Variants in BRD3OS observed in about 807,000 individuals in gnomAD.
BRD3OS encodes BRD3 opposite strand, also known as uncharacterized protein BRD3OS.
rs2132361550 is a variant in BRD3OS, at chr9:134,029,643, T to C, written c.*2641T>C. The C allele has an allele frequency of 1.3e-5, 2 of 152,430 alleles. No homozygotes were observed. The highest frequency in any genetic ancestry group is 3.4e-3 in the Middle Eastern group (1 of 294). 9.4% of individuals were successfully genotyped at this position (152,430 alleles called of 1,614,324 possible). ...GCTGTCATTCTTCGGCGAGCCGCGC[T>C]GCACGCCAGCCTCCAGTCTGGCAGT... On this transcript the variant is annotated 3_prime_UTR_variant, in exon 3 of 3. Coordinates refer to ENST00000603928, the MANE Select transcript of BRD3OS (RefSeq NM_001355256.2).
chr9:134,028,056 TC>T lies in BRD3OS; in HGVS notation c.*1055del, dbSNP rs1843454161. 6.6e-6 allele frequency: 1 copy of T among 152,254 alleles called. No individual in the cohort carries two copies. The highest frequency in any genetic ancestry group is 1.5e-5 in the Non-Finnish European group (1 of 68,048). 9.4% of individuals were successfully genotyped at this position (152,254 alleles called of 1,614,324 possible). ...TACACAAATGTGCAGGTGTCTCTTG[TC>T]AAAGCTAATTTTTCTTTTCTAAATA... On this transcript the variant is annotated 3_prime_UTR_variant, in exon 3 of 3. Coordinates refer to ENST00000603928, the MANE Select transcript of BRD3OS (RefSeq NM_001355256.2).
rs1457386655 is a variant in BRD3OS, at chr9:134,025,979, G to A, written c.-652G>A. The A allele has an allele frequency of 6.6e-6, 1 of 152,158 alleles. No individual in the cohort carries two copies. The highest frequency in any genetic ancestry group is 1.5e-5 in the Non-Finnish European group (1 of 68,052). The allele number at this position is 152,158 out of a possible 1,614,324, so 9.4% of individuals were successfully genotyped here. A position where few individuals can be genotyped will look rare whatever the true frequency, so the allele number is the denominator to read the frequency against. ...GCCGCTGGCTCCTGTTTCACAGATG[G>A]AGACCCTGAAGCCCCAACAAGCAGC... is the stretch of plus-strand genomic sequence containing the variant. On this transcript the variant is annotated 5_prime_UTR_variant, in exon 2 of 3. The change creates a premature stop within an existing upstream ORF in the 5' untranslated region. Coordinates refer to ENST00000603928, the MANE Select transcript of BRD3OS (RefSeq NM_001355256.2).
rs1047914718 is a variant in BRD3OS at position 134,029,211 on chromosome 9, C to G, written c.*2209C>G. ...CAAATCTGGAATGCCTGTGTGCCAC[C>G]TTCTCACCGCACCACAGACTCCCCT... is the stretch of plus-strand genomic sequence containing the variant. On this transcript the variant is annotated 3_prime_UTR_variant, in exon 3 of 3. Transcript: ENST00000603928. 3 of 152,304 alleles carry G rather than the reference C, an allele frequency of 2.0e-5. No individual in the cohort carries two copies. Among genetic ancestry groups the G allele is most frequent in the Admixed American group, 6.5e-5 (1 of 15,290 alleles). 9.4% of individuals were successfully genotyped at this position (152,304 alleles called of 1,614,324 possible).
rs909302595 is a variant in BRD3OS at position 134,026,983 on chromosome 9, A to G, written c.236A>G (p.Lys79Arg). ...GTCTCTAGGGACACAGGGCAGTCCA[A>G]GTTTTGCACAATTATGTAATTCCGA... ...LEVSRDTGQS[K>R]FCTIM The change falls in exon 3 of 3, where the codon AAG (lysine) becomes AGG (arginine). Residue 79 changes from lysine to arginine, a missense_variant. Lys to Arg is a conservative substitution (Grantham distance 26). Coordinates refer to ENST00000603928, the MANE Select transcript of BRD3OS (RefSeq NM_001355256.2). This position sits in a 1 kb window ranked among gnomAD's most constrained non-coding sequence, Gnocchi z 4.4. 2.5e-6 allele frequency: 1 copy of G among 398,794 alleles called. No individual in the cohort carries two copies. The highest frequency in any genetic ancestry group is 3.6e-5 in the East Asian group (1 of 28,098). 24.7% of individuals were successfully genotyped at this position (398,794 alleles called of 1,614,324 possible). A position where few individuals can be genotyped will look rare whatever the true frequency, so the allele number is the denominator to read the frequency against.
In BRD3OS at chr9:134,026,778, G is replaced by C. The variant is rs767864352; in HGVS notation, c.31G>C (p.Ala11Pro). The C allele has an allele frequency of 2.0e-5, 8 of 398,732 alleles. No homozygotes were observed. Among genetic ancestry groups the C allele is most frequent in the Non-Finnish European group, 3.5e-5 (8 of 226,112 alleles). The allele number at this position is 398,732 out of a possible 1,614,324, so 24.7% of individuals were successfully genotyped here. A position where few individuals can be genotyped will look rare whatever the true frequency, so the allele number is the denominator to read the frequency against. ...TGGCCGTGTCCCCCTGGCAGAGAAG[G>C]CCTTGTCTGAAGGCTACGCCCGCCT... The part of the protein sequence containing the change: MSGRVPLAEK[A>P]LSEGYARLRY... The change falls in exon 3 of 3, where the codon GCC becomes CCC. Residue 11 changes from alanine to proline, a missense_variant. Transcript: ENST00000603928. The surrounding 1 kb of genome is among the most constrained non-coding windows in gnomAD (Gnocchi z 4.4).
Position 134,026,592 on chromosome 9 carries a change from C to T in BRD3OS, c.-156C>T, listed in dbSNP as rs984452119. 13 of 392,492 alleles carry T rather than the reference C, an allele frequency of 3.3e-5. No homozygotes were observed. The highest frequency in any genetic ancestry group is 1.8e-4 in the Admixed American group (4 of 22,530). The allele number at this position is 392,492 out of a possible 1,614,324, so 24.3% of individuals were successfully genotyped here. Reference sequence around the variant, plus strand: ...CCTCACCACACAACCCTCCTGAGGACGTTGCCTGCAAATGGGCGGAATTCC... The same window carrying T: ...CCTCACCACACAACCCTCCTGAGGATGTTGCCTGCAAATGGGCGGAATTCC... On this transcript the variant is annotated 5_prime_UTR_variant, in exon 3 of 3. In the 5' UTR this introduces an upstream ATG that the reference lacks. Coordinates refer to ENST00000603928, the MANE Select transcript of BRD3OS (RefSeq NM_001355256.2). The surrounding 1 kb of genome is among the most constrained non-coding windows in gnomAD (Gnocchi z 4.4).
At position 134,025,920 on chromosome 9, in the gene BRD3OS, G is replaced by C. The variant is rs961377545; in HGVS notation, c.-711G>C. 4 of 152,260 alleles carry C rather than the reference G, an allele frequency of 2.6e-5. No homozygotes were observed. Among genetic ancestry groups the C allele is most frequent in the African/African-American group, 7.2e-5 (3 of 41,460 alleles). The allele number at this position is 152,260 out of a possible 1,614,324, so 9.4% of individuals were successfully genotyped here. A position where few individuals can be genotyped will look rare whatever the true frequency, so the allele number is the denominator to read the frequency against. ...CCTTCCGGTCCCGGGGCTGACGCCTGGCGGCGTCTCCGGGAACCCGCGCCC... is the reference window on the plus strand; with the variant it reads ...CCTTCCGGTCCCGGGGCTGACGCCTCGCGGCGTCTCCGGGAACCCGCGCCC... On this transcript the variant is annotated 5_prime_UTR_variant, in exon 2 of 3. Coordinates refer to ENST00000603928, the MANE Select transcript of BRD3OS (RefSeq NM_001355256.2).
rs539021164 is a variant in BRD3OS at position 134,030,961 on chromosome 9, C to T, written c.*3959C>T. The T allele has an allele frequency of 4.3e-6, 1 of 231,374 alleles. No individual in the cohort carries two copies. The highest frequency in any genetic ancestry group is 6.1e-5 in the East Asian group (1 of 16,390). The allele number at this position is 231,374 out of a possible 1,614,324, so 14.3% of individuals were successfully genotyped here. A position where few individuals can be genotyped will look rare whatever the true frequency, so the allele number is the denominator to read the frequency against. On this transcript the variant is annotated 3_prime_UTR_variant, in exon 3 of 3. Coordinates refer to ENST00000603928, the MANE Select transcript of BRD3OS (RefSeq NM_001355256.2). ...GCAGTGGGACAATCTAATTGAATCA[C>T]CGCAGCCTTCTAATACAGAAGAAAC...
rs1161982142 is a variant in BRD3OS at position 134,025,535 on chromosome 9, C to G, written c.-788C>G. On this transcript the variant is annotated splice_region_variant and 5_prime_UTR_variant, in exon 1 of 3. Coordinates refer to ENST00000603928, the MANE Select transcript of BRD3OS (RefSeq NM_001355256.2). ...CCGCATCTCCGAGGCCCGCGACGAG[C>G]GGTGACTGGGGCGGGCGACGTGGGG... The G allele has an allele frequency of 6.6e-6, 1 of 151,842 alleles. No individual in the cohort carries two copies. Among genetic ancestry groups the G allele is most frequent in the Non-Finnish European group, 1.5e-5 (1 of 68,002 alleles). 9.4% of individuals were successfully genotyped at this position (151,842 alleles called of 1,614,324 possible).
chr9:134,025,577 C>T (rs1165295163), intron 1 of BRD3OS, 41 bp downstream of exon 1: 2 of 152,056 alleles, frequency 1.3e-5, no homozygotes, highest in East Asian at 3.9e-4. Flanking sequence ...GGGATGCGGG[C>T]AGACGATAGG....
rs1363297693 is a variant in BRD3OS at position 134,026,688 on chromosome 9, T to TGCGCGTGG, written c.-57_-50dup. On this transcript the variant is annotated 5_prime_UTR_variant, in exon 3 of 3. Coordinates refer to ENST00000603928, the MANE Select transcript of BRD3OS (RefSeq NM_001355256.2). This position sits in a 1 kb window ranked among gnomAD's most constrained non-coding sequence, Gnocchi z 4.4. Reference sequence around the variant, plus strand: ...CTGGGAAAGCTGTCCGTTAATTTAGTGCGCGTGGGCCGTCTCAGAACAGCA... The same window carrying TGCGCGTGG: ...CTGGGAAAGCTGTCCGTTAATTTAGTGCGCGTGGGCGCGTGGGCCGTCTCAGAACAGCA... 3.8e-5 allele frequency: 15 copies of TGCGCGTGG among 398,040 alleles called. No homozygotes were observed. The highest frequency in any genetic ancestry group is 2.3e-4 in the African/African-American group (11 of 48,604). 24.7% of individuals were successfully genotyped at this position (398,040 alleles called of 1,614,324 possible). A position where few individuals can be genotyped will look rare whatever the true frequency, so the allele number is the denominator to read the frequency against.
Position 134,029,339 on chromosome 9 carries a change from AG to A in BRD3OS, c.*2340del, listed in dbSNP as rs1422557278. 1.3e-5 allele frequency: 2 copies of A among 152,318 alleles called. No homozygotes were observed. The highest frequency in any genetic ancestry group is 4.8e-5 in the African/African-American group (2 of 41,458). 9.4% of individuals were successfully genotyped at this position (152,318 alleles called of 1,614,324 possible). Reference sequence around the variant, plus strand: ...GCAACGCTGGCAGGATGTGTGCTCAAGGGCCAGTCTCTGCAGGGGTCAGGGC... The same window carrying A: ...GCAACGCTGGCAGGATGTGTGCTCAAGGCCAGTCTCTGCAGGGGTCAGGGC... On this transcript the variant is annotated 3_prime_UTR_variant, in exon 3 of 3. Coordinates refer to ENST00000603928, the MANE Select transcript of BRD3OS (RefSeq NM_001355256.2).
rs1212772422 is a variant in BRD3OS, at chr9:134,027,731, C to G, written c.*729C>G. The G allele has an allele frequency of 6.6e-6, 1 of 152,136 alleles. No individual in the cohort carries two copies. The highest frequency in any genetic ancestry group is 1.5e-5 in the Non-Finnish European group (1 of 68,048). 9.4% of individuals were successfully genotyped at this position (152,136 alleles called of 1,614,324 possible). On this transcript the variant is annotated 3_prime_UTR_variant, in exon 3 of 3. Coordinates refer to ENST00000603928, the MANE Select transcript of BRD3OS (RefSeq NM_001355256.2). ...AGCCCGCATTTATATTTTGAGTTACCAAAATGATCATCATCTGTGAAGCAT... is the reference window on the plus strand; with the variant it reads ...AGCCCGCATTTATATTTTGAGTTACGAAAATGATCATCATCTGTGAAGCAT...
rs529305455 is a variant in BRD3OS at position 134,028,933 on chromosome 9, C to T, written c.*1931C>T. The T allele has an allele frequency of 7.2e-5, 11 of 152,382 alleles. No homozygotes were observed. Among genetic ancestry groups the T allele is most frequent in the Admixed American group, 3.3e-4 (5 of 15,306 alleles). 9.4% of individuals were successfully genotyped at this position (152,382 alleles called of 1,614,324 possible). On this transcript the variant is annotated 3_prime_UTR_variant, in exon 3 of 3. Transcript: ENST00000603928. ...GTCGGCAGCAGCCTCCTGCACAGCC[C>T]GAGTCCCTTCTGCGAGAGTCCTGGC...
In BRD3OS at chr9:134,030,922, C is replaced by T; in HGVS notation, c.*3920C>T. ...CTTGAAAAAAGCATGTTAGAAGCTG[C>T]CCTACAGGTCTCAGCAGTGGGACAA... On this transcript the variant is annotated 3_prime_UTR_variant, in exon 3 of 3. Coordinates refer to ENST00000603928, the MANE Select transcript of BRD3OS (RefSeq NM_001355256.2). The T allele has an allele frequency of 4.3e-6, 1 of 231,204 alleles. No homozygotes were observed. 14.3% of individuals were successfully genotyped at this position (231,204 alleles called of 1,614,324 possible).
rs990251700 is a variant in BRD3OS at position 134,030,897 on chromosome 9, C to T, written c.*3895C>T. 1 of 231,920 alleles carries T rather than the reference C, an allele frequency of 4.3e-6. No individual in the cohort carries two copies. Among genetic ancestry groups the T allele is most frequent in the African/African-American group, 2.2e-5 (1 of 45,256 alleles). The allele number at this position is 231,920 out of a possible 1,614,324, so 14.4% of individuals were successfully genotyped here. On this transcript the variant is annotated 3_prime_UTR_variant, in exon 3 of 3. Coordinates refer to ENST00000603928, the MANE Select transcript of BRD3OS (RefSeq NM_001355256.2). ...CACGACTTGTCACTACTCCTCTCCC[C>T]TTGAAAAAAGCATGTTAGAAGCTGC...
In BRD3OS at chr9:134,031,193, C is replaced by G. The variant is rs1163877202; in HGVS notation, c.*4191C>G. 4.5e-6 allele frequency: 1 copy of G among 222,500 alleles called. No individual in the cohort carries two copies. The highest frequency in any genetic ancestry group is 9.0e-6 in the Non-Finnish European group (1 of 111,370). 13.8% of individuals were successfully genotyped at this position (222,500 alleles called of 1,614,324 possible). ...GAAAGGAGCAGAGGCGAGCCGACGC[C>G]ACCGTCACAGAGAACCAGCCGAGAA... On this transcript the variant is annotated 3_prime_UTR_variant, in exon 3 of 3. Transcript: ENST00000603928.
chr9:134,026,776 A>C lies in BRD3OS; in HGVS notation c.29A>C (p.Lys10Thr), dbSNP rs1843434416. MSGRVPLAE[K>T]ALSEGYARLR... ...AGTGGCCGTGTCCCCCTGGCAGAGA[A>C]GGCCTTGTCTGAAGGCTACGCCCGC... Residue 10 changes from lysine (K) to threonine (T), a missense_variant, in exon 3 of 3, where the codon AAG (lysine) becomes ACG (threonine). Lys to Thr is a moderately conservative substitution (Grantham distance 78). Coordinates refer to ENST00000603928, the MANE Select transcript of BRD3OS (RefSeq NM_001355256.2). This position sits in a 1 kb window ranked among gnomAD's most constrained non-coding sequence, Gnocchi z 4.4. 1 of 398,876 alleles carries C rather than the reference A, an allele frequency of 2.5e-6. No individual in the cohort carries two copies. Among genetic ancestry groups the C allele is most frequent in the Non-Finnish European group, 4.4e-6 (1 of 226,102 alleles). 24.7% of individuals were successfully genotyped at this position (398,876 alleles called of 1,614,324 possible).
In BRD3OS at chr9:134,031,445, C is replaced by A; in HGVS notation, c.*4443C>A. 4.9e-6 allele frequency: 1 copy of A among 205,358 alleles called. No homozygotes were observed. The highest frequency in any genetic ancestry group is 1.0e-5 in the Non-Finnish European group (1 of 100,386). The allele number at this position is 205,358 out of a possible 1,614,324, so 12.7% of individuals were successfully genotyped here. A position where few individuals can be genotyped will look rare whatever the true frequency, so the allele number is the denominator to read the frequency against. ...CCTGTCAACTGTCGTGTGTGAATTC[C>A]TTAAATTCGGTTTAAATAGTCCATT... On this transcript the variant is annotated 3_prime_UTR_variant, in exon 3 of 3. Coordinates refer to ENST00000603928, the MANE Select transcript of BRD3OS (RefSeq NM_001355256.2).
Sources: allele counts gnomAD v4.1 joint callset, GRCh38; gene constraint gnomAD v4.1.1; non-coding constraint Gnocchi (gnomAD v3.1); transcripts MANE v1.5; gene names NCBI Gene and HGNC (gene_info 2026-07-23, HGNC 2026-07-21).